The following ENAH variants were observed in gnomAD, a reference collection of about 807,000 sequenced individuals.
ENAH encodes the protein ENAH actin regulator, also known as protein enabled homolog.
ENAH carries 23 observed loss-of-function variants against 78.7 expected under a neutral mutation model. The observed-to-expected ratio is 0.29, with a 90% CI of 0.21 to 0.41. The LOEUF (loss-of-function observed/expected upper bound fraction) is 0.41, where lower values mean the gene tolerates loss of function less well. Among genes scored for constraint, ENAH ranks in the 10% least tolerant of loss-of-function variants. The probability of loss-of-function intolerance (pLI) is 1.00; values close to 1 mark genes in which losing one functional copy is unlikely to be tolerated. For missense variants in ENAH, 544 were observed against 691.0 expected, an observed-to-expected ratio of 0.79 and a Z score of 2.39; for synonymous variants, 226 against 241.0, an observed-to-expected ratio of 0.94 and a Z score of 0.58.
chr1:225,625,333 A>C (rs1240215328), intron 1 of ENAH, among the ~76,000 whole-genome samples: 1 of 152,212 alleles, frequency 6.6e-6, no homozygotes, highest in Non-Finnish European at 1.5e-5. Flanking sequence ...ATTTTTAAAA[A>C]ACTGCTCAGA....
chr1:225,488,040 A>AAAAC lies in ENAH; in HGVS notation c.*9731_*9734dup, dbSNP rs572451419. On this transcript the variant is annotated 3_prime_UTR_variant, in exon 14 of 14. Coordinates refer to ENST00000366843, the MANE Select transcript of ENAH (RefSeq NM_018212.6). Reference sequence around the variant, plus strand: ...CACTGCTGACTCCCCCACCTCTCAAAAAACAAACAAACAAACAAACACCAC... The same window carrying AAAAC: ...CACTGCTGACTCCCCCACCTCTCAAAAAACAAACAAACAAACAAACAAACACCAC... 0.01 allele frequency: 1,540 copies of AAAAC among 152,242 alleles called. 11 individuals are homozygous for AAAAC. The highest frequency in any genetic ancestry group is 0.015 in the Non-Finnish European group (1,020 of 68,028). The allele number at this position is 152,242 out of a possible 1,614,324, so 9.4% of individuals were successfully genotyped here.
At position 225,493,034 on chromosome 1, in the gene ENAH, GGTGA is replaced by G. The variant is rs1259056024; in HGVS notation, c.*4737_*4740del. ...TAGAACTCCATTTATTTATGTTGAT[GGTGA>G]GTATCTGTAACCATCCTAAATTTAC... On this transcript the variant is annotated 3_prime_UTR_variant, in exon 14 of 14. Coordinates refer to ENST00000366843, the MANE Select transcript of ENAH (RefSeq NM_018212.6). 4 of 152,048 alleles carry G rather than the reference GGTGA, an allele frequency of 2.6e-5. No individual in the cohort carries two copies. The highest frequency in any genetic ancestry group is 4.4e-5 in the Non-Finnish European group (3 of 68,010). 9.4% of individuals were successfully genotyped at this position (152,048 alleles called of 1,614,324 possible). A position where few individuals can be genotyped will look rare whatever the true frequency, so the allele number is the denominator to read the frequency against.
chr1:225,622,638 C>T (rs1657201651), intron 1 of ENAH, among the ~76,000 whole-genome samples: 1 of 152,146 alleles, frequency 6.6e-6, no homozygotes, highest in African/African-American at 2.4e-5. Flanking sequence ...ATGGCACCTT[C>T]TATTTGTCCT....
chr1:225,548,084 GA>G (rs1239580488), intron 3 of ENAH, among the ~76,000 whole-genome samples: 1 of 150,998 alleles, frequency 6.6e-6, no homozygotes, highest in Non-Finnish European at 1.5e-5. Flanking sequence ...TTTGTCTATA[GA>G]AAAAAAGAAA....
At chr1:225,499,772 T>G (rs1176254382) in intron 12 of ENAH, among the ~76,000 whole-genome samples, 1 of 152,164 alleles carries the variant, frequency 6.6e-6, no homozygotes, top group Non-Finnish European at 1.5e-5. Flanking sequence ...GTAACAGCTG[T>G]CCTTTGGAAG....
chr1:225,518,713 CATA>C (rs1558741908), intron 5 of ENAH, among the ~76,000 whole-genome samples: 2 of 152,124 alleles, frequency 1.3e-5, no homozygotes, highest in Non-Finnish European at 2.9e-5. Context: ...ACTAATTTTT[CATA>C]ATACTAGAAA....
At chr1:225,592,361 A>G (rs1022045969) in intron 1 of ENAH, among the ~76,000 whole-genome samples, 13 of 152,204 alleles carry the variant, frequency 8.5e-5, no homozygotes, top group Non-Finnish European at 1.8e-4. Flanking sequence ...TTCCCTATCC[A>G]GCAAGTGAGC....
chr1:225,599,835 T>C (rs1408290391), intron 1 of ENAH, among the ~76,000 whole-genome samples: 1 of 149,578 alleles, frequency 6.7e-6, no homozygotes, highest in Admixed American at 6.6e-5. Context: ...ACCCCCTTTA[T>C]TGGAGGTGGG....
intron 10 of ENAH, chr1:225,508,523 A>G (rs1217731974): frequency 1.3e-5 from 2 of 152,284 alleles, no homozygotes; most frequent in Non-Finnish European, 2.9e-5. Context: ...ACAACTCAAA[A>G]TAAATATCAG....
At chr1:225,501,595 G>A (rs1414396786) in intron 11 of ENAH, among the ~76,000 whole-genome samples, 1 of 152,138 alleles carries the variant, frequency 6.6e-6, no homozygotes, top group African/African-American at 2.4e-5. Context: ...AGCATGATTT[G>A]CTTTATACAT....
At chr1:225,652,040 T>G (rs1663113889) in intron 1 of ENAH, among the ~76,000 whole-genome samples, 1 of 152,014 alleles carries the variant, frequency 6.6e-6, no homozygotes, top group South Asian at 2.1e-4. Context: ...AGAAAAGGCT[T>G]TTCCAAACAG....
At chr1:225,589,850 A>G (rs1045908824) in intron 1 of ENAH, among the ~76,000 whole-genome samples, 1 of 152,176 alleles carries the variant, frequency 6.6e-6, no homozygotes, top group African/African-American at 2.4e-5. Flanking sequence ...TCATAATAAA[A>G]TGTTGAAGGG....
At chr1:225,560,113 G>A (rs551078989) in intron 2 of ENAH, among the ~76,000 whole-genome samples, 1 of 152,046 alleles carries the variant, frequency 6.6e-6, no homozygotes, top group Admixed American at 6.5e-5. Context: ...TCCCCATTGG[G>A]ACTTCCTCAA....
intron 1 of ENAH, among the ~76,000 whole-genome samples, chr1:225,598,243 A>G (rs980200261): frequency 6.6e-6 from 1 of 152,152 alleles, no homozygotes; most frequent in African/African-American, 2.4e-5. Flanking sequence ...ATTTGGAAAG[A>G]GAATATAAAG....
chr1:225,584,618 T>C (rs2096836249), intron 1 of ENAH, among the ~76,000 whole-genome samples: 2 of 152,016 alleles, frequency 1.3e-5, no homozygotes. Flanking sequence ...AGACATTAGA[T>C]AATAAAGAAT....
At chr1:225,536,025 T>A (rs1329475127) in intron 3 of ENAH, among the ~76,000 whole-genome samples, 51 of 152,078 alleles carry the variant, frequency 3.4e-4, no homozygotes, top group Admixed American at 3.3e-3. Context: ...TTCCTACTAG[T>A]TGGAAAGAGA....
At chr1:225,579,751 AAT>A (rs1226429897) in intron 1 of ENAH, among the ~76,000 whole-genome samples, 2 of 152,252 alleles carry the variant, frequency 1.3e-5, no homozygotes, top group Non-Finnish European at 2.9e-5. Context: ...CAATTAGAAG[AAT>A]ATGTCTTTAC....
chr1:225,563,166 T>C (rs1032889175), intron 2 of ENAH, among the ~76,000 whole-genome samples: 6 of 152,222 alleles, frequency 3.9e-5, no homozygotes, highest in Non-Finnish European at 7.3e-5. Flanking sequence ...CTGAAAATCT[T>C]GTTAGTTCTA....
intron 3 of ENAH, among the ~76,000 whole-genome samples, chr1:225,553,613 A>G (rs1014854249): frequency 3.4e-4 from 52 of 152,126 alleles, no homozygotes; most frequent in African/African-American, 1.2e-3. Flanking sequence ...CTTCTTCCCT[A>G]TGGTAAAACT....
Sources: gnomAD v4.1 joint callset for allele counts (sites outside exome capture counted in the v4.1 genomes callset) on GRCh38, gnomAD v4.1.1 for gene constraint, MANE v1.5 for transcripts, NCBI Gene and HGNC (gene_info 2026-07-23, HGNC 2026-07-21) for gene names.